Variants in NHEJ1 observed in about 807,000 individuals in gnomAD.
NHEJ1 encodes non-homologous end joining factor 1.
In NHEJ1, 22 loss-of-function variants were observed where a neutral mutation model predicts 39.4. The observed-to-expected ratio is 0.56, with a 90% confidence interval of 0.40 to 0.80. The LOEUF is 0.80. Ranked by LOEUF, NHEJ1 falls within the 30% of genes least tolerant of loss-of-function variation. The probability of loss-of-function intolerance (pLI) is 0.00; values close to 1 mark genes in which losing one functional copy is unlikely to be tolerated. For missense variants in NHEJ1, 329 were observed against 357.1 expected (o/e 0.92, Z 0.63); for synonymous variants, 154 against 135.6 (o/e 1.14, Z -0.94).
At chr2:219,137,590 AAAC>A (rs1254489425) in intron 5 of NHEJ1, among the ~76,000 whole-genome samples, 26 of 139,076 alleles carry the variant, frequency 1.9e-4, no homozygotes, top group South Asian at 2.4e-4. Flanking sequence ...AAAAAAAAAA[AAAC>A]AAAAAAAACT....
Position 219,153,708 on chromosome 2 carries a change from GA to G in NHEJ1, c.390+3763del. Among the ~76,000 whole-genome samples the G allele has an allele frequency of 2.5e-4, 14 of 54,944 alleles. 1 individual carries two copies. The highest frequency in any genetic ancestry group is 5.5e-4 in the Admixed American group (3 of 5,416). 36.0% of individuals were successfully genotyped at this position (54,944 alleles called of 152,430 possible). On this transcript the variant is annotated intron_variant, in intron 3 of 7. Coordinates refer to ENST00000356853, the MANE Select transcript of NHEJ1 (RefSeq NM_024782.3). Reference sequence around the variant, plus strand: ...AGAAAGAAAAGGGGGGGGGGGTGGAGAGAGAGAGAGAGAGCAAGCAAGCAAA... The same window carrying G: ...AGAAAGAAAAGGGGGGGGGGGTGGAGGAGAGAGAGAGAGCAAGCAAGCAAA...
At chr2:219,078,922 T>C (rs887459027) in intron 5 of NHEJ1, among the ~76,000 whole-genome samples, 3 of 152,192 alleles carry the variant, frequency 2.0e-5, no homozygotes, top group Non-Finnish European at 2.9e-5. Context: ...ACCTGTGGCA[T>C]TAAAATTTCC....
intron 5 of NHEJ1, among the ~76,000 whole-genome samples, chr2:219,138,651 C>G (rs1949661234): frequency 6.6e-6 from 1 of 152,030 alleles, no homozygotes; most frequent in Non-Finnish European, 1.5e-5. Context: ...AGGAGATAGA[C>G]CATAAACAGT....
intron 3 of NHEJ1, among the ~76,000 whole-genome samples, chr2:219,153,228 GGTT>G (rs1235661464): frequency 6.6e-6 from 1 of 152,106 alleles, no homozygotes; most frequent in African/African-American, 2.4e-5. Context: ...TAGACAGTAA[GGTT>G]GTGGTTGATT....
At chr2:219,129,438 C>T (rs1018098212) in intron 5 of NHEJ1, among the ~76,000 whole-genome samples, 4 of 152,202 alleles carry the variant, frequency 2.6e-5, no homozygotes, top group African/African-American at 4.8e-5. Flanking sequence ...AGAAGTGGGA[C>T]TAGCAAGTCC....
chr2:219,140,122 C>T (rs1949676362), intron 5 of NHEJ1, among the ~76,000 whole-genome samples: 1 of 152,074 alleles, frequency 6.6e-6, no homozygotes, highest in Non-Finnish European at 1.5e-5. Flanking sequence ...AATGTAAAGG[C>T]CTAAAGGCAG....
At chr2:219,150,813 G>C (rs1399064214) in intron 3 of NHEJ1, among the ~76,000 whole-genome samples, 1 of 152,060 alleles carries the variant, frequency 6.6e-6, no homozygotes, top group African/African-American at 2.4e-5. Context: ...AAAATTAGCT[G>C]GGCATGGTGG....
Position 219,071,708 on chromosome 2 carries a change from A to G in NHEJ1, c.*4673T>C, listed in dbSNP as rs981173945. Among the ~76,000 whole-genome samples, 1 of 152,108 alleles carries G rather than the reference A, an allele frequency of 6.6e-6. No homozygotes were observed. The highest frequency in any genetic ancestry group is 2.4e-5 in the African/African-American group (1 of 41,400). On this transcript the variant is annotated 3_prime_UTR_variant, in exon 8 of 8. Transcript: ENST00000356853. ...CAGCAGGACAAGTAATCCTAGCACA[A>G]TCTTCCCAGGTGAGTCAATGGCTGT...
At chr2:219,112,489 G>C (rs1048908417) in intron 5 of NHEJ1, among the ~76,000 whole-genome samples, 1 of 152,138 alleles carries the variant, frequency 6.6e-6, no homozygotes, top group Admixed American at 6.5e-5. Flanking sequence ...GTCTCTCCAG[G>C]AACAAAGTCA....
rs887161489 is a variant in NHEJ1, at chr2:219,160,795, C to G, written c.-76G>C. 1 of 152,492 alleles carries G rather than the reference C, an allele frequency of 6.6e-6. No homozygotes were observed. The highest frequency in any genetic ancestry group is 6.5e-5 in the Admixed American group (1 of 15,294). The allele number at this position is 152,492 out of a possible 1,614,324, so 9.4% of individuals were successfully genotyped here. On this transcript the variant is annotated 5_prime_UTR_variant, in exon 1 of 8. Coordinates refer to ENST00000356853, the MANE Select transcript of NHEJ1 (RefSeq NM_024782.3). Reference sequence around the variant, plus strand: ...TGCCCGCTCGCGCAAACCGAAAGGCCTAGAGTAAGAGGCCGCTTTCCCCCC... The same window carrying G: ...TGCCCGCTCGCGCAAACCGAAAGGCGTAGAGTAAGAGGCCGCTTTCCCCCC...
chr2:219,082,704 G>C (rs914635805), intron 5 of NHEJ1, among the ~76,000 whole-genome samples: 1 of 152,122 alleles, frequency 6.6e-6, no homozygotes, highest in Non-Finnish European at 1.5e-5. Flanking sequence ...TCTGGCACCC[G>C]CCCCAGAAAC....
chr2:219,108,723 T>C (rs1159572008), intron 5 of NHEJ1, among the ~76,000 whole-genome samples: 1 of 152,274 alleles, frequency 6.6e-6, no homozygotes, highest in East Asian at 1.9e-4. Context: ...TATTATTCTA[T>C]AATACTGTTT....
chr2:219,097,863 C>T (rs900535532), intron 5 of NHEJ1, among the ~76,000 whole-genome samples: 1 of 152,038 alleles, frequency 6.6e-6, no homozygotes, highest in Non-Finnish European at 1.5e-5. Flanking sequence ...AATGTGATCA[C>T]CAACAGAGCA....
At chr2:219,084,713 C>G (rs750308106) in intron 5 of NHEJ1, among the ~76,000 whole-genome samples, 1 of 152,160 alleles carries the variant, frequency 6.6e-6, no homozygotes, top group Non-Finnish European at 1.5e-5. Context: ...TTAAAGGGTG[C>G]CTACTCAGTA....
chr2:219,152,952 A>G (rs1210469052), intron 3 of NHEJ1, among the ~76,000 whole-genome samples: 3 of 151,808 alleles, frequency 2.0e-5, no homozygotes, highest in African/African-American at 7.3e-5. Context: ...ACAGGCATGC[A>G]CCACCATGCC....
At chr2:219,136,464 T>C (rs1370803116) in intron 5 of NHEJ1, among the ~76,000 whole-genome samples, 2 of 152,076 alleles carry the variant, frequency 1.3e-5, no homozygotes, top group African/African-American at 4.8e-5. Context: ...AATTTTTGTA[T>C]TTTTAGTAGA....
chr2:219,098,586 CT>C (rs1949229092), intron 5 of NHEJ1, among the ~76,000 whole-genome samples: 1 of 152,108 alleles, frequency 6.6e-6, no homozygotes, highest in African/African-American at 2.4e-5. Flanking sequence ...ACTGATTCTT[CT>C]TTTTTAGGGA....
At position 219,158,198 on chromosome 2, in the gene NHEJ1, G is replaced by A. The variant is rs1294246994; in HGVS notation, c.165C>T (p.Ser55=). The A allele has an allele frequency of 1.9e-6, 3 of 1,614,114 alleles. No individual in the cohort carries two copies. Among genetic ancestry groups the A allele is most frequent in the East Asian group, 4.5e-5 (2 of 44,888 alleles). The change falls in exon 2 of 8, where the codon AGC becomes AGT. Residue 55 remains serine (S), a synonymous_variant. Coordinates refer to ENST00000356853, the MANE Select transcript of NHEJ1 (RefSeq NM_024782.3). ...WHEQVDTSVV[S]QRAKELNKRL... ...TCCTCATACTTACCTTGGCTCGCTG[G>A]CTGACCACACTAGTGTCCACCTGTT...
Position 219,146,752 on chromosome 2 carries a change from G to A in NHEJ1, c.530-14C>T. The A allele has an allele frequency of 6.2e-7, 1 of 1,602,338 alleles. No individual in the cohort carries two copies. Among genetic ancestry groups the A allele is most frequent in the Non-Finnish European group, 8.6e-7 (1 of 1,169,350 alleles). On this transcript the variant is annotated splice_polypyrimidine_tract_variant and intron_variant, in intron 4 of 7. Transcript: ENST00000356853. Reference sequence around the variant, plus strand: ...TCTTCAATCGATCTGTAATAAGAAGGATCAGAAAAAAGAAATATGAGTCAT... The same window carrying A: ...TCTTCAATCGATCTGTAATAAGAAGAATCAGAAAAAAGAAATATGAGTCAT...
Sources: gnomAD v4.1 joint callset for allele counts (sites outside exome capture counted in the v4.1 genomes callset) on GRCh38, gnomAD v4.1.1 for gene constraint, MANE v1.5 for transcripts, NCBI Gene and HGNC (gene_info 2026-07-23, HGNC 2026-07-21) for gene names.